The following MYO18B variants were observed in gnomAD, a reference collection of about 807,000 sequenced individuals.
MYO18B encodes myosin XVIIIB.
A neutral mutation model predicts 273.0 loss-of-function variants in MYO18B; 204 were observed. The ratio of observed to expected loss-of-function variants is 0.75; its 90% CI spans 0.67 to 0.84. The LOEUF (loss-of-function observed/expected upper bound fraction) is 0.84. MYO18B is among the 40% of genes least tolerant of loss of function. The probability of loss-of-function intolerance (pLI) is 0.00; values close to 1 mark genes in which losing one functional copy is unlikely to be tolerated. For synonymous variants in MYO18B, 1,330 were observed against 1,305.7 expected (o/e 1.02, Z -0.40); for missense variants, 3,212 against 3,287.6 (o/e 0.98, Z 0.56).
chr22:25,874,055 A>G (rs1026989014), intron 22 of MYO18B, among the ~76,000 whole-genome samples: 8 of 152,192 alleles, frequency 5.3e-5, no homozygotes, highest in Admixed American at 5.2e-4. Flanking sequence ...TGCCAATGCC[A>G]CTGGTGCGTG....
At chr22:25,801,576 G>A (rs796739607) in intron 12 of MYO18B, among the ~76,000 whole-genome samples, 40 of 152,258 alleles carry the variant, frequency 2.6e-4, no homozygotes, top group African/African-American at 8.4e-4. Context: ...CTGGCGGGGT[G>A]TTTCATAAGG....
At chr22:25,813,079 C>T (rs1426096509) in intron 12 of MYO18B, among the ~76,000 whole-genome samples, 2 of 150,692 alleles carry the variant, frequency 1.3e-5, no homozygotes, top group Non-Finnish European at 3.0e-5. Flanking sequence ...CTTTCTCTCC[C>T]CTCCCCTCTT....
At chr22:25,853,203 G>T (rs896986033) in intron 21 of MYO18B, among the ~76,000 whole-genome samples, 1 of 152,190 alleles carries the variant, frequency 6.6e-6, no homozygotes, top group Non-Finnish European at 1.5e-5. Context: ...AAGCCTCACA[G>T]ACCATGTGTT....
intron 11 of MYO18B, among the ~76,000 whole-genome samples, chr22:25,795,794 G>A (rs1380717861): frequency 3.9e-5 from 6 of 152,106 alleles, no homozygotes; most frequent in Non-Finnish European, 5.9e-5. Flanking sequence ...ATGCTTTGAC[G>A]TCGTCCCAAT....
At chr22:25,764,564 C>G (rs1229439156) in intron 3 of MYO18B, among the ~76,000 whole-genome samples, 1 of 152,216 alleles carries the variant, frequency 6.6e-6, no homozygotes, top group Non-Finnish European at 1.5e-5. Context: ...CATGTGCCTG[C>G]ACCTGTCTGA....
At chr22:25,873,331 A>G (rs914586755) in intron 22 of MYO18B, among the ~76,000 whole-genome samples, 2 of 152,154 alleles carry the variant, frequency 1.3e-5, no homozygotes, top group African/African-American at 4.8e-5. Flanking sequence ...TAGATCCCTC[A>G]GCACCTCTGT....
chr22:26,030,411 A>T (rs953961638), intron 43 of MYO18B, 32 bp from the exon 44 acceptor site: 4 of 153,480 alleles, frequency 2.6e-5, no homozygotes, highest in African/African-American at 9.6e-5. Flanking sequence ...CCTTTGTCCC[A>T]TTCATCAACT....
chr22:25,889,432 G>A (rs1263892842), intron 25 of MYO18B, among the ~76,000 whole-genome samples: 1 of 152,122 alleles, frequency 6.6e-6, no homozygotes, highest in Non-Finnish European at 1.5e-5. Context: ...ACAGCAGGAG[G>A]ACATGTGACC....
intron 42 of MYO18B, among the ~76,000 whole-genome samples, chr22:26,019,392 T>A (rs1169311710): frequency 6.6e-6 from 1 of 152,232 alleles, no homozygotes; most frequent in Admixed American, 6.5e-5. Flanking sequence ...TGAGCCTCAG[T>A]TCTGACTTGG....
At chr22:25,965,817 A>T (rs180936630) in intron 39 of MYO18B, among the ~76,000 whole-genome samples, 20 of 152,216 alleles carry the variant, frequency 1.3e-4, no homozygotes, top group Non-Finnish European at 2.4e-4. Context: ...AATTCCCTAA[A>T]ATTTAGCTAT....
At chr22:25,905,637 G>T (rs1212085619) in intron 31 of MYO18B, among the ~76,000 whole-genome samples, 1 of 152,204 alleles carries the variant, frequency 6.6e-6, no homozygotes, top group African/African-American at 2.4e-5. Flanking sequence ...AAGACAGACA[G>T]GATAGTCGTA....
intron 39 of MYO18B, among the ~76,000 whole-genome samples, chr22:25,990,160 C>T (rs1022774253): frequency 2.6e-5 from 4 of 152,146 alleles, no homozygotes; most frequent in Admixed American, 2.0e-4. Context: ...AATCAGAAAA[C>T]ACTGGAAAGG....
intron 25 of MYO18B, among the ~76,000 whole-genome samples, chr22:25,881,458 A>G (rs2091332049): frequency 6.6e-6 from 1 of 152,232 alleles, no homozygotes; most frequent in African/African-American, 2.4e-5. Flanking sequence ...TGGCAGCAAC[A>G]ATGAGTAGAA....
intron 34 of MYO18B, among the ~76,000 whole-genome samples, chr22:25,943,706 CTTTCCTTT>C (rs1270651974): frequency 8.1e-4 from 105 of 130,310 alleles, no homozygotes; most frequent in Non-Finnish European, 1.3e-3. Flanking sequence ...TTGTTTCTTT[CTTTCCTTT>C]TTTTTTTTTT....
intron 15 of MYO18B, among the ~76,000 whole-genome samples, 184 bp downstream of exon 15, chr22:25,829,152 C>T (rs1231910399): frequency 6.6e-6 from 1 of 152,214 alleles, no homozygotes; most frequent in South Asian, 2.1e-4. Flanking sequence ...ACAGCCCAGC[C>T]TCCCCCTGCC....
intron 34 of MYO18B, among the ~76,000 whole-genome samples, chr22:25,932,182 T>C (rs1051581084): frequency 6.6e-6 from 1 of 152,228 alleles, no homozygotes; most frequent in Non-Finnish European, 1.5e-5. Context: ...AAAGGGCTTA[T>C]TTAAGTTTTT....
At chr22:26,004,996 C>A in intron 42 of MYO18B, 141 bp downstream of exon 42, 2 of 1,047,716 alleles carry the variant, frequency 1.9e-6, no homozygotes, top group South Asian at 1.6e-5. Context: ...ATAACTCTGC[C>A]ACTTCCTAGC....
chr22:25,936,993 A>C (rs1448372516), intron 34 of MYO18B, among the ~76,000 whole-genome samples: 1 of 152,148 alleles, frequency 6.6e-6, no homozygotes, highest in Non-Finnish European at 1.5e-5. Context: ...CAATGTGGTA[A>C]ACACTTGATA....
Position 25,783,380 on chromosome 22 carries a change from T to C in MYO18B, c.2312+1546T>C, listed in dbSNP as rs142627897. ...GGCAGCAGGGGCCATGTGCGGTGCA[T>C]AGTAATGGTGTAATGTGGGAAGGAG... On this transcript the variant is annotated intron_variant, in intron 10 of 43. Transcript: ENST00000335473. Among the ~76,000 whole-genome samples the C allele has an allele frequency of 2.6e-5, 4 of 152,354 alleles. No homozygotes were observed. The East Asian group carries it at 7.7e-4, about 29-fold the overall frequency.
Sources: gnomAD v4.1 joint callset for allele counts (sites outside exome capture counted in the v4.1 genomes callset) on GRCh38, gnomAD v4.1.1 for gene constraint, MANE v1.5 for transcripts, NCBI Gene and HGNC (gene_info 2026-07-23, HGNC 2026-07-21) for gene names.